ZNF521: variants seen among roughly 807,000 people sequenced by gnomAD.
ZNF521 encodes the protein LYST-interacting protein 3.
Under a neutral mutation model 105.5 loss-of-function variants are expected in ZNF521, and 14 were observed. The observed-to-expected ratio is 0.13, with a 90% CI of 0.09 to 0.21. ZNF521 has a LOEUF of 0.21. ZNF521 is among the 10% of genes least tolerant of loss of function. The pLI is 1.00. For synonymous variants in ZNF521, 635 were observed against 606.0 expected (o/e 1.05, Z -0.70); for missense variants, 1,233 against 1,629.7 (o/e 0.76, Z 4.19).
intron 2 of ZNF521, among the ~76,000 whole-genome samples, chr18:25,333,056 A>G (rs1913669261): frequency 6.6e-6 from 1 of 152,002 alleles, no homozygotes; most frequent in Non-Finnish European, 1.5e-5. Context: ...TAGCATATAC[A>G]TATACAAATC....
At chr18:25,101,621 A>T (rs1244761602) in intron 5 of ZNF521, among the ~76,000 whole-genome samples, 1 of 152,228 alleles carries the variant, frequency 6.6e-6, no homozygotes, top group East Asian at 1.9e-4. Flanking sequence ...AGGCCACTGA[A>T]TGGAGTGCTG....
intron 5 of ZNF521, among the ~76,000 whole-genome samples, chr18:25,135,460 C>T (rs1028022829): frequency 7.2e-5 from 11 of 152,084 alleles, no homozygotes; most frequent in African/African-American, 2.4e-4. Flanking sequence ...GCTCCATGAC[C>T]AGGTTTGCTA....
chr18:25,293,514 T>A, intron 3 of ZNF521, among the ~76,000 whole-genome samples: 1 of 152,212 alleles, frequency 6.6e-6, no homozygotes, highest in East Asian at 1.9e-4. Flanking sequence ...CTCAAGGTGA[T>A]CTCACTATTG....
At chr18:25,216,426 T>C (rs1454283559) in intron 4 of ZNF521, among the ~76,000 whole-genome samples, 18 of 152,242 alleles carry the variant, frequency 1.2e-4, no homozygotes, top group Admixed American at 1.2e-3. Flanking sequence ...TAACTAGATG[T>C]AACTGAAAAT....
chr18:25,145,648 C>G (rs1371373574), intron 5 of ZNF521, among the ~76,000 whole-genome samples: 2 of 152,094 alleles, frequency 1.3e-5, no homozygotes, highest in East Asian at 3.9e-4. Context: ...TTGTGATGCC[C>G]AACAACCTCT....
intron 4 of ZNF521, among the ~76,000 whole-genome samples, chr18:25,208,751 A>T (rs2036126196): frequency 6.6e-6 from 1 of 152,196 alleles, no homozygotes; most frequent in Non-Finnish European, 1.5e-5. Context: ...TGTTTAGATT[A>T]ATTTGAGTTT....
chr18:25,297,493 A>AT lies in ZNF521; in HGVS notation c.220+24514dup, dbSNP rs748768590. ...TAAATCATTGCCAGGGTGCTTTGAA[A>AT]TTTTTTGACTATAACAGAATTTATC... is the stretch of plus-strand genomic sequence containing the variant. On this transcript the variant is annotated intron_variant, in intron 3 of 7. Transcript: ENST00000361524. 9.2e-5 allele frequency among the ~76,000 whole-genome samples: 14 copies of AT among 152,262 alleles called. No individual in the cohort carries two copies. The East Asian group carries it at 2.7e-3, about 29-fold the overall frequency.
At chr18:25,212,328 A>G (rs952358881) in intron 4 of ZNF521, among the ~76,000 whole-genome samples, 18 of 150,664 alleles carry the variant, frequency 1.2e-4, no homozygotes, top group East Asian at 5.8e-4. Flanking sequence ...TGGCCAACAT[A>G]GTGAAACCCT....
At chr18:25,339,421 T>G (rs1914076660) in intron 2 of ZNF521, among the ~76,000 whole-genome samples, 1 of 152,238 alleles carries the variant, frequency 6.6e-6, no homozygotes, top group Non-Finnish European at 1.5e-5. Context: ...CTGACCTCAC[T>G]GATATCGCTG....
At chr18:25,292,931 C>G (rs574905990) in intron 3 of ZNF521, among the ~76,000 whole-genome samples, 1 of 152,212 alleles carries the variant, frequency 6.6e-6, no homozygotes, top group South Asian at 2.1e-4. Context: ...CCCATCTCCA[C>G]TCTGCTCTCC....
At chr18:25,301,878 T>C (rs189214426) in intron 3 of ZNF521, 2 of 152,308 alleles carry the variant, frequency 1.3e-5, no homozygotes, top group East Asian at 3.9e-4. Context: ...AATAAGCAAT[T>C]ATTTCCATCC....
At chr18:25,128,620 C>G (rs2034580644) in intron 5 of ZNF521, among the ~76,000 whole-genome samples, 1 of 151,918 alleles carries the variant, frequency 6.6e-6, no homozygotes. Context: ...TTGCAAGATA[C>G]AAGGTTGATA....
intron 5 of ZNF521, among the ~76,000 whole-genome samples, chr18:25,152,926 G>A (rs527993862): frequency 3.9e-5 from 6 of 152,292 alleles, no homozygotes; most frequent in Admixed American, 3.3e-4. Context: ...GGATGGCCAC[G>A]ATGGGATGGA....
At chr18:25,328,609 G>T (rs1249584698) in intron 2 of ZNF521, among the ~76,000 whole-genome samples, 2 of 150,582 alleles carry the variant, frequency 1.3e-5, no homozygotes, top group Non-Finnish European at 1.5e-5. Context: ...CCGGAGTGCA[G>T]TGGCGTGATC....
intron 3 of ZNF521, among the ~76,000 whole-genome samples, chr18:25,286,300 T>G (rs146855945): frequency 1.6e-3 from 247 of 152,308 alleles, no homozygotes; most frequent in African/African-American, 5.7e-3. Context: ...TCTGAAAAAC[T>G]GATGGGGCTC....
chr18:25,070,301 TTGTTCTCTGGACATTTGTGC>T (rs2033186024), intron 7 of ZNF521, among the ~76,000 whole-genome samples: 1 of 152,216 alleles, frequency 6.6e-6, no homozygotes. Context: ...ATTTTTGTTG[TTGTTCTCTGGACATTTGTGC>T]TAACTACGTC....
rs1313226871 is a variant in ZNF521 at position 25,092,074 on chromosome 18, T to A, written c.3666A>T (p.Gly1222=). 1.2e-6 allele frequency: 2 copies of A among 1,613,854 alleles called. No individual in the cohort carries two copies. The highest frequency in any genetic ancestry group is 1.7e-5 in the Admixed American group (1 of 60,016). ...TGCAGAGTTTGCATTCATGGTTCAG[T>A]CCTTCATCTGTCAAGGAAAACACAT... The part of the protein sequence containing the change: ...VHVANHMIDE[G]LNHECKLCSQ... Residue 1222 remains glycine, a synonymous_variant, in exon 6 of 8, where the codon GGA becomes GGT. Transcript: ENST00000361524.
At chr18:25,071,031 G>C (rs541630362) in intron 7 of ZNF521, among the ~76,000 whole-genome samples, 1 of 152,154 alleles carries the variant, frequency 6.6e-6, no homozygotes, top group East Asian at 1.9e-4. Context: ...AGGAACAGGT[G>C]GTCATAAGGA....
chr18:25,337,474 T>C (rs1008378004), intron 2 of ZNF521, among the ~76,000 whole-genome samples: 3 of 152,058 alleles, frequency 2.0e-5, no homozygotes, highest in African/African-American at 4.8e-5. Flanking sequence ...CCCAAGGAAA[T>C]AGAAAGGCAA....
Sources: gnomAD v4.1 joint callset for allele counts (sites outside exome capture counted in the v4.1 genomes callset) on GRCh38, gnomAD v4.1.1 for gene constraint, MANE v1.5 for transcripts, NCBI Gene and HGNC (gene_info 2026-07-23, HGNC 2026-07-21) for gene names.